Variants in CPNE4 observed in about 807,000 individuals in gnomAD.
The protein encoded by CPNE4 is copine-4.
Under a neutral mutation model 67.9 loss-of-function variants are expected in CPNE4, and 25 were observed. That is an observed-to-expected ratio of 0.37 (90% confidence interval 0.27 to 0.51). The LOEUF (loss-of-function observed/expected upper bound fraction) is 0.51. Among genes scored for constraint, CPNE4 ranks in the 20% least tolerant of loss-of-function variants. The pLI is 0.93. For synonymous variants in CPNE4, 242 were observed against 244.9 expected (o/e 0.99, Z 0.11); for missense variants, 464 against 690.8 (o/e 0.67, Z 3.68).
At chr3:131,846,174 T>C (rs548571075) in intron 2 of CPNE4, among the ~76,000 whole-genome samples, 7 of 152,272 alleles carry the variant, frequency 4.6e-5, no homozygotes, top group Non-Finnish European at 8.8e-5. Flanking sequence ...AGTAGTTAGC[T>C]CATGGAGTTA....
intron 2 of CPNE4, among the ~76,000 whole-genome samples, chr3:131,823,056 G>A (rs913178770): frequency 6.6e-6 from 1 of 152,088 alleles, no homozygotes; most frequent in Non-Finnish European, 1.5e-5. Flanking sequence ...AGCCAGGCTG[G>A]TCTCAATCTC....
At chr3:131,735,028 T>G (rs1248985307) in intron 2 of CPNE4, among the ~76,000 whole-genome samples, 1 of 152,212 alleles carries the variant, frequency 6.6e-6, no homozygotes, top group Non-Finnish European at 1.5e-5. Context: ...CACAGCTTCT[T>G]GCACAGCGTG....
intron 3 of CPNE4, among the ~76,000 whole-genome samples, chr3:131,718,187 G>T (rs2081784913): frequency 2.0e-5 from 3 of 151,870 alleles, no homozygotes; most frequent in African/African-American, 7.3e-5. Flanking sequence ...GTAGAGATGG[G>T]TTTCACTATG....
intron 8 of CPNE4, among the ~76,000 whole-genome samples, chr3:131,582,319 T>C (rs976716762): frequency 1.3e-5 from 2 of 152,126 alleles, no homozygotes; most frequent in Non-Finnish European, 2.9e-5. Context: ...CAGGAGTGGC[T>C]GGGAATTAAG....
chr3:132,037,858 C>G (rs1011545508), upstream of CPNE4: 1 of 421,932 alleles, frequency 2.4e-6, no homozygotes, highest in African/African-American at 2.0e-5. Flanking sequence ...GCAGTTGATA[C>G]CATTTTTTAA....
At chr3:131,649,243 C>G (rs889920183) in intron 7 of CPNE4, among the ~76,000 whole-genome samples, 2 of 152,220 alleles carry the variant, frequency 1.3e-5, no homozygotes, top group African/African-American at 4.8e-5. Context: ...AGTCAGGTAA[C>G]TTTACAGTCC....
chr3:131,936,942 T>A (rs1440751803), intron 1 of CPNE4, among the ~76,000 whole-genome samples: 1 of 145,742 alleles, frequency 6.9e-6, no homozygotes, highest in African/African-American at 2.5e-5. Context: ...GTAAAGGACA[T>A]AAAAACTAAA....
chr3:132,027,282 C>T (rs2074132981), intron 1 of CPNE4, among the ~76,000 whole-genome samples: 1 of 152,100 alleles, frequency 6.6e-6, no homozygotes, highest in African/African-American at 2.4e-5. Flanking sequence ...GTAACTAGGC[C>T]ACCAACGAGC....
intron 9 of CPNE4, among the ~76,000 whole-genome samples, chr3:131,579,431 G>A (rs1937645934): frequency 2.6e-5 from 4 of 152,154 alleles, no homozygotes. Context: ...TGCACCCCAT[G>A]AATCTAGGGG....
intron 1 of CPNE4, among the ~76,000 whole-genome samples, chr3:131,999,241 T>TAAAGAAAAAAAAA (rs2073367786): frequency 2.0e-5 from 2 of 98,832 alleles, no homozygotes; most frequent in African/African-American, 5.4e-5. Flanking sequence ...TTATCCAAGG[T>TAAAGAAAAAAAAA]AAAAAAAAAA....
chr3:131,930,775 G>T (rs1454411849), intron 1 of CPNE4, among the ~76,000 whole-genome samples: 1 of 152,084 alleles, frequency 6.6e-6, no homozygotes, highest in Non-Finnish European at 1.5e-5. Context: ...AAAGAAAAAT[G>T]CTGCCACCCT....
At chr3:131,973,291 A>T (rs929429567) in intron 1 of CPNE4, among the ~76,000 whole-genome samples, 2 of 152,158 alleles carry the variant, frequency 1.3e-5, no homozygotes, top group African/African-American at 4.8e-5. Flanking sequence ...TCAAAGTTCT[A>T]CCAAGCCTCT....
chr3:131,878,430 T>A (rs2107711462), intron 2 of CPNE4, among the ~76,000 whole-genome samples: 1 of 152,244 alleles, frequency 6.6e-6, no homozygotes, highest in South Asian at 2.1e-4. Flanking sequence ...TAATCTGCAT[T>A]GATAGGAGTC....
intron 2 of CPNE4, among the ~76,000 whole-genome samples, chr3:131,826,654 G>T (rs1250016367): frequency 2.0e-5 from 3 of 151,936 alleles, no homozygotes; most frequent in African/African-American, 4.8e-5. Context: ...AAGTTCTTAC[G>T]TGTATTATAG....
intron 8 of CPNE4, among the ~76,000 whole-genome samples, chr3:131,582,765 C>T (rs555419283): frequency 6.6e-6 from 1 of 152,218 alleles, no homozygotes; most frequent in African/African-American, 2.4e-5. Context: ...TATTAAAAAG[C>T]CTACAATGGT....
chr3:131,847,532 G>T (rs774222981), intron 2 of CPNE4, among the ~76,000 whole-genome samples: 49 of 152,132 alleles, frequency 3.2e-4, no homozygotes, highest in Non-Finnish European at 6.2e-4. Context: ...AATGGGGGTC[G>T]ATAGGTAGTG....
chr3:131,711,264 GCA>G (rs2081550633), intron 3 of CPNE4, among the ~76,000 whole-genome samples: 1 of 152,196 alleles, frequency 6.6e-6, no homozygotes, highest in Admixed American at 6.5e-5. Flanking sequence ...CCAGAGAGCA[GCA>G]CAGAGATGCC....
chr3:131,547,156 G>A (rs1257849160), intron 14 of CPNE4, among the ~76,000 whole-genome samples: 1 of 151,994 alleles, frequency 6.6e-6, no homozygotes, highest in Non-Finnish European at 1.5e-5. Context: ...CTATAATCCT[G>A]AGAAGTGTTG....
At chr3:131,663,271 T>C (rs1178082646) in intron 7 of CPNE4, among the ~76,000 whole-genome samples, 1 of 146,346 alleles carries the variant, frequency 6.8e-6, no homozygotes, top group Non-Finnish European at 1.5e-5. Flanking sequence ...TGAGAAGACA[T>C]GGACACAGGG....
Sources: gnomAD v4.1 joint callset for allele counts (sites outside exome capture counted in the v4.1 genomes callset) on GRCh38, gnomAD v4.1.1 for gene constraint, MANE v1.5 for transcripts, NCBI Gene and HGNC (gene_info 2026-07-23, HGNC 2026-07-21) for gene names.